ADGRV1: variants seen among roughly 807,000 people sequenced by gnomAD.
The protein encoded by ADGRV1 is G-protein coupled receptor 98.
In ADGRV1, 359 loss-of-function variants were observed where a neutral mutation model predicts 596.2. The ratio of observed to expected loss-of-function variants is 0.60; its 90% CI spans 0.55 to 0.66. The LOEUF (loss-of-function observed/expected upper bound fraction) is 0.66. Ranked by LOEUF, ADGRV1 falls within the 30% of genes least tolerant of loss-of-function variation. ADGRV1 has a pLI of 0.00. For synonymous variants in ADGRV1, 2,681 were observed against 2,679.2 expected, an observed-to-expected ratio of 1.00 and a Z score of -0.02; for missense variants, 7,274 against 7,575.6, an observed-to-expected ratio of 0.96 and a Z score of 1.48.
intron 87 of ADGRV1, among the ~76,000 whole-genome samples, chr5:91,130,678 A>G (rs1794140384): frequency 6.6e-6 from 1 of 152,106 alleles, no homozygotes; most frequent in Non-Finnish European, 1.5e-5. Context: ...GGTTTGTTGC[A>G]TGGATTTATT....
At position 90,763,894 on chromosome 5, in the gene ADGRV1, A is replaced by G. The variant is rs186145798; in HGVS notation, c.12285+425A>G. ...ATGACTGTGTAGTATTCCATGGTGT[A>G]TATCTATAACATTTTCTTTATCCAG... is the stretch of plus-strand genomic sequence containing the variant. On this transcript the variant is annotated intron_variant, in intron 59 of 89. Transcript: ENST00000405460. 9.8e-5 allele frequency among the ~76,000 whole-genome samples: 15 copies of G among 152,308 alleles called. No individual in the cohort carries two copies. The East Asian group carries it at 2.9e-3, about 29-fold the overall frequency.
chr5:90,644,132 T>C, intron 14 of ADGRV1, 149 bp downstream of exon 14: 1 of 575,818 alleles, frequency 1.7e-6, no homozygotes, highest in Non-Finnish European at 3.0e-6. Flanking sequence ...TAGAATCATA[T>C]TTAGGACCAT....
chr5:91,129,938 A>G (rs1467604174), intron 87 of ADGRV1, among the ~76,000 whole-genome samples: 1 of 152,156 alleles, frequency 6.6e-6, no homozygotes, highest in Admixed American at 6.6e-5. Context: ...AATTGTAATA[A>G]GAAAAGAAAA....
In ADGRV1 at chr5:90,590,400, T is replaced by C. The variant is rs186831813; in HGVS notation, c.23-24435T>C. Among the ~76,000 whole-genome samples, 137 of 152,262 alleles carry C rather than the reference T, an allele frequency of 9.0e-4. 1 individual carries two copies. Among genetic ancestry groups the C allele is most frequent in the Admixed American group, 3.5e-3 (53 of 15,292 alleles). On this transcript the variant is annotated intron_variant, in intron 1 of 89. Coordinates refer to ENST00000405460, the MANE Select transcript of ADGRV1 (RefSeq NM_032119.4). The stretch of plus-strand genomic sequence containing the variant: ...TGTGATGTCATATCTGGACATGACA[T>C]GTATGGATGGCTGGAGGCTAACTAG...
At position 91,005,139 on chromosome 5, in the gene ADGRV1, G is replaced by A. The variant is rs144877944; in HGVS notation, c.18152+19617G>A. Among the ~76,000 whole-genome samples, 952 of 152,102 alleles carry A rather than the reference G, an allele frequency of 6.3e-3. 5 individuals are homozygous for A. The highest frequency in any genetic ancestry group is 0.024 in the Middle Eastern group (7 of 294). ...TAAACTTTATAGCTTCTTTATGCTG[G>A]TTTCAGAGTAAATGCTCAAAAAACT... On this transcript the variant is annotated intron_variant, in intron 85 of 89. Transcript: ENST00000405460.
intron 4 of ADGRV1, among the ~76,000 whole-genome samples, chr5:90,620,707 C>T (rs1398703773): frequency 6.6e-6 from 1 of 152,116 alleles, no homozygotes; most frequent in Admixed American, 6.6e-5. Context: ...CCTAGGTTTT[C>T]TTCTAGGGTT....
intron 76 of ADGRV1, among the ~76,000 whole-genome samples, chr5:90,824,829 G>T (rs1249633639): frequency 6.6e-6 from 1 of 152,154 alleles, no homozygotes; most frequent in Non-Finnish European, 1.5e-5. Context: ...CCAAGAACCT[G>T]TCATGGTTAA....
chr5:90,716,802 C>A, intron 43 of ADGRV1, 73 bp downstream of exon 43: 2 of 1,067,020 alleles, frequency 1.9e-6, no homozygotes, highest in Non-Finnish European at 2.7e-6. Flanking sequence ...CTTAGATGAG[C>A]ACTCAAGTCC....
intron 83 of ADGRV1, among the ~76,000 whole-genome samples, chr5:90,939,218 AG>A (rs1419354058): frequency 6.6e-6 from 1 of 152,168 alleles, no homozygotes; most frequent in East Asian, 1.9e-4. Context: ...TAATCAAAGA[AG>A]GGGCCCATAT....
At chr5:90,567,600 G>T (rs1381544213) in intron 1 of ADGRV1, among the ~76,000 whole-genome samples, 1 of 151,972 alleles carries the variant, frequency 6.6e-6, no homozygotes, top group African/African-American at 2.4e-5. Flanking sequence ...GCATGTAATT[G>T]TTCATGGTCA....
chr5:90,975,037 G>A (rs559949357), intron 84 of ADGRV1, among the ~76,000 whole-genome samples: 2,230 of 152,142 alleles, frequency 0.015, 59 homozygotes, highest in African/African-American at 0.051. Context: ...CAAAGTGGGC[G>A]AAGGATATGA....
At chr5:90,704,599 C>G in intron 36 of ADGRV1, 111 bp downstream of exon 36, 1 of 625,622 alleles carries the variant, frequency 1.6e-6, no homozygotes. Context: ...TAAAATGTTA[C>G]TTTATTATGT....
rs2149584931 is a variant in ADGRV1 at position 90,683,871 on chromosome 5, A to G, written c.5950A>G (p.Lys1984Glu). The change falls in exon 28 of 90, where the codon AAA becomes GAA. Residue 1984 changes from lysine (K) to glutamate (E), a missense_variant. This residue lies in a region of ADGRV1 where 3,643 missense variants were observed against 3,809.2 expected (regional missense o/e 0.96). Transcript: ENST00000405460. ...ATATGGGATATTCATTTTTTCTGAG[A>G]AAAACAGACCTGTTAAAGTTGAGGA... ...DPYGIFIFSE[K>E]NRPVKVEEAT... is the part of the protein sequence containing the mutation. The G allele has an allele frequency of 1.9e-6, 3 of 1,613,522 alleles. No individual in the cohort carries two copies. Among genetic ancestry groups the G allele is most frequent in the South Asian group, 1.1e-5 (1 of 90,992 alleles).
Position 90,675,288 on chromosome 5 carries a change from C to G in ADGRV1, c.5156C>G (p.Ala1719Gly). ...GGGCTGCCTCCTCAGCCTAAGGACG[C>G]AATGACCCTGCCTGCAAGCAGCGTT... ...STGLPPQPKDAMTLPASSVPH... is the reference protein window; with the variant it reads ...STGLPPQPKDGMTLPASSVPH... Residue 1719 changes from alanine to glycine, a missense_variant, in exon 24 of 90, where the codon GCA becomes GGA. Physicochemically the swap from Ala to Gly is moderately conservative, Grantham distance 60 (BLOSUM62 0). Transcript: ENST00000405460. 1.2e-6 allele frequency: 2 copies of G among 1,613,776 alleles called. No individual in the cohort carries two copies. Among genetic ancestry groups the G allele is most frequent in the Non-Finnish European group, 1.7e-6 (2 of 1,179,842 alleles).
intron 33 of ADGRV1, among the ~76,000 whole-genome samples, chr5:90,695,911 G>GTTA (rs1451371027): frequency 6.6e-6 from 1 of 151,956 alleles, no homozygotes; most frequent in Non-Finnish European, 1.5e-5. Context: ...TTTTCCAGTG[G>GTTA]TTATGTTAAC....
chr5:90,962,623 T>A (rs927319588), intron 83 of ADGRV1, among the ~76,000 whole-genome samples: 1 of 152,226 alleles, frequency 6.6e-6, no homozygotes, highest in African/African-American at 2.4e-5. Context: ...CTGGTCACAT[T>A]TAATACCTAG....
chr5:90,929,557 G>A (rs757479636), intron 83 of ADGRV1: 6 of 154,190 alleles, frequency 3.9e-5, no homozygotes, highest in South Asian at 2.0e-4. Flanking sequence ...GATGAACCCG[G>A]TACCTCAGAT....
At chr5:91,019,047 A>G (rs970413154) in intron 85 of ADGRV1, among the ~76,000 whole-genome samples, 3 of 151,942 alleles carry the variant, frequency 2.0e-5, no homozygotes, top group African/African-American at 7.2e-5. Flanking sequence ...TCTCTTTTCA[A>G]CAGTTCCAAC....
At chr5:90,720,676 A>AG (rs1750792277) in intron 44 of ADGRV1, among the ~76,000 whole-genome samples, 1 of 152,086 alleles carries the variant, frequency 6.6e-6, no homozygotes, top group Admixed American at 6.6e-5. Flanking sequence ...TTAATATGTT[A>AG]ATTTCCTGAC....
Sources: gnomAD v4.1 joint callset for allele counts (sites outside exome capture counted in the v4.1 genomes callset) on GRCh38, gnomAD v4.1.1 for gene constraint, gnomAD v4.1.1 regional missense constraint, MANE v1.5 for transcripts, NCBI Gene and HGNC (gene_info 2026-07-23, HGNC 2026-07-21) for gene names.